Variants in TTC3 observed in about 807,000 individuals in gnomAD.
The protein encoded by TTC3 is tetratricopeptide repeat domain 3, also known as E3 ubiquitin-protein ligase TTC3.
TTC3 carries 180 observed loss-of-function variants against 249.6 expected under a neutral mutation model. The ratio of observed to expected loss-of-function variants is 0.72; its 90% CI spans 0.64 to 0.82. The LOEUF (loss-of-function observed/expected upper bound fraction) is 0.82. Among genes scored for constraint, TTC3 ranks in the 40% least tolerant of loss-of-function variants. TTC3 has a pLI of 0.00. For synonymous variants in TTC3, 717 were observed against 805.0 expected (o/e 0.89, Z 1.85); for missense variants, 2,061 against 2,398.4 (o/e 0.86, Z 2.94).
At chr21:37,120,693 A>C (rs1325577462) in intron 11 of TTC3, among the ~76,000 whole-genome samples, 1 of 152,092 alleles carries the variant, frequency 6.6e-6, no homozygotes, top group Non-Finnish European at 1.5e-5. Flanking sequence ...GTCTAAAAAA[A>C]CTCCAGAACC....
intron 11 of TTC3, among the ~76,000 whole-genome samples, chr21:37,115,807 T>G (rs1308401566): frequency 6.6e-6 from 1 of 152,214 alleles, no homozygotes; most frequent in Non-Finnish European, 1.5e-5. Flanking sequence ...GTACTTGCCC[T>G]TCCCTCTGCC....
At chr21:37,077,478 T>C (rs1401949773) in intron 1 of TTC3, among the ~76,000 whole-genome samples, 1 of 152,218 alleles carries the variant, frequency 6.6e-6, no homozygotes, top group Non-Finnish European at 1.5e-5. Context: ...TACAAAATAA[T>C]GTCAGATTAC....
At chr21:37,170,043 A>C (rs1484135866) in intron 34 of TTC3, among the ~76,000 whole-genome samples, 1 of 152,166 alleles carries the variant, frequency 6.6e-6, no homozygotes, top group Non-Finnish European at 1.5e-5. Context: ...AAAAGTATCC[A>C]GGAAAAAAAC....
intron 31 of TTC3, 108 bp downstream of exon 31, chr21:37,162,171 C>A: frequency 1.5e-6 from 1 of 645,316 alleles, no homozygotes; most frequent in Non-Finnish European, 2.5e-6. Context: ...CCTAACTTTC[C>A]TTTCTAAAGC....
At chr21:37,161,367 C>T (rs928137786) in intron 30 of TTC3, among the ~76,000 whole-genome samples, 3 of 152,136 alleles carry the variant, frequency 2.0e-5, no homozygotes, top group Non-Finnish European at 4.4e-5. Flanking sequence ...CCTCAAACTC[C>T]CAGGCTCAAG....
At chr21:37,109,143 A>G (rs1054836713) in intron 11 of TTC3, among the ~76,000 whole-genome samples, 2 of 152,188 alleles carry the variant, frequency 1.3e-5, no homozygotes, top group Admixed American at 6.5e-5. Context: ...AGCGACACAG[A>G]AGACAGGTGA....
At chr21:37,077,284 G>A (rs1399874889) in intron 1 of TTC3, among the ~76,000 whole-genome samples, 1 of 151,664 alleles carries the variant, frequency 6.6e-6, no homozygotes, top group Non-Finnish European at 1.5e-5. Flanking sequence ...ATGGGTAAAG[G>A]GTATGCAATT....
exon 32 of TTC3, chr21:37,164,096 T>C (rs2081030514): frequency 1.2e-6 from 2 of 1,612,796 alleles, no homozygotes; most frequent in Non-Finnish European, 1.7e-6. Context: ...TGCCTGACCA[T>C]CTTCGGCAAG....
At chr21:37,161,691 C>A (rs1392865453) in intron 30 of TTC3, among the ~76,000 whole-genome samples, 2 of 152,160 alleles carry the variant, frequency 1.3e-5, no homozygotes, top group African/African-American at 4.8e-5. Context: ...AGTTCCAATA[C>A]AACTTTTATT....
chr21:37,142,492 CCATTCA>C (rs2078574268), intron 20 of TTC3, among the ~76,000 whole-genome samples: 1 of 152,074 alleles, frequency 6.6e-6, no homozygotes, highest in South Asian at 2.1e-4. Context: ...GAGTGAACTC[CCATTCA>C]CAGTTGCTTC....
intron 11 of TTC3, among the ~76,000 whole-genome samples, chr21:37,117,985 T>A (rs990695519): frequency 2.0e-5 from 3 of 152,110 alleles, no homozygotes; most frequent in African/African-American, 7.2e-5. Context: ...AAACATCCCT[T>A]CTCAGGGGAT....
intron 22 of TTC3, among the ~76,000 whole-genome samples, chr21:37,148,079 G>A (rs2079138384): frequency 6.6e-6 from 1 of 152,158 alleles, no homozygotes; most frequent in African/African-American, 2.4e-5. Flanking sequence ...AGCCACTGAT[G>A]TATAAACGCT....
At chr21:37,166,969 C>T (rs1053296974) in intron 33 of TTC3, among the ~76,000 whole-genome samples, 1 of 151,996 alleles carries the variant, frequency 6.6e-6, no homozygotes, top group Non-Finnish European at 1.5e-5. Flanking sequence ...GGAAGTGTAG[C>T]CTGCATCACA....
At chr21:37,139,474 A>G (rs2078240670) in intron 19 of TTC3, among the ~76,000 whole-genome samples, 1 of 152,136 alleles carries the variant, frequency 6.6e-6, no homozygotes, top group Non-Finnish European at 1.5e-5. Context: ...CCTCAAGTAT[A>G]ATATATAATT....
chr21:37,196,079 G>A (rs747910415), intron 42 of TTC3, 43 bp downstream of exon 42: 5 of 1,597,390 alleles, frequency 3.1e-6, no homozygotes, highest in South Asian at 1.1e-5. Flanking sequence ...ATACTTTATC[G>A]AACTGAGGTT....
chr21:37,090,558 A>G (rs1020351174), intron 6 of TTC3: 3 of 937,924 alleles, frequency 3.2e-6, no homozygotes, highest in East Asian at 2.3e-4. Flanking sequence ...TACCTGGCTT[A>G]TGTTTCCCCA....
chr21:37,154,235 G>A (rs1357523272), intron 27 of TTC3, among the ~76,000 whole-genome samples: 5 of 152,204 alleles, frequency 3.3e-5, no homozygotes, highest in Admixed American at 6.5e-5. Flanking sequence ...GCCTTTAGCC[G>A]CAGACCACAG....
At chr21:37,138,775 T>A in intron 19 of TTC3, 61 bp downstream of exon 19, 1 of 1,214,466 alleles carries the variant, frequency 8.2e-7, no homozygotes, top group Non-Finnish European at 1.2e-6. Flanking sequence ...TTATAAAAAT[T>A]ATTTTCTCAT....
chr21:37,175,263 CAAAAAA>C (rs58424565), intron 35 of TTC3, among the ~76,000 whole-genome samples: 6 of 54,038 alleles, frequency 1.1e-4, no homozygotes, highest in Middle Eastern at 0.014. Context: ...GACTGTGTCT[CAAAAAA>C]AAAAAAAAAA....
Sources: allele counts gnomAD v4.1 joint callset (sites outside exome capture counted in the v4.1 genomes callset), GRCh38; gene constraint gnomAD v4.1.1; transcripts MANE v1.5; gene names NCBI Gene and HGNC (gene_info 2026-07-23, HGNC 2026-07-21).